Variants in DOCK2 observed in about 807,000 individuals in gnomAD.
DOCK2 encodes dedicator of cytokinesis protein 2.
Under a neutral mutation model 248.9 loss-of-function variants are expected in DOCK2, and 87 were observed. That is an observed-to-expected ratio of 0.35 (90% CI 0.29 to 0.42). The LOEUF (loss-of-function observed/expected upper bound fraction) is 0.42, where lower values mean the gene tolerates loss of function less well. Among genes scored for constraint, DOCK2 ranks in the 10% least tolerant of loss-of-function variants. The pLI, the probability that DOCK2 is intolerant of heterozygous loss-of-function variation, is 1.00. For synonymous variants in DOCK2, 805 were observed against 821.6 expected (o/e 0.98, Z 0.35); for missense variants, 1,747 against 2,300.2 (o/e 0.76, Z 4.92).
chr5:169,692,223 T>C (rs1561604943), intron 9 of DOCK2, among the ~76,000 whole-genome samples: 1 of 152,136 alleles, frequency 6.6e-6, no homozygotes, highest in African/African-American at 2.4e-5. Context: ...TACTACGAGG[T>C]TCCCTAAGAT....
At chr5:169,671,276 T>C in intron 5 of DOCK2, 102 bp downstream of exon 5, 1 of 1,022,712 alleles carries the variant, frequency 9.8e-7, no homozygotes, top group Non-Finnish European at 1.5e-6. Flanking sequence ...GGAGGTGGCT[T>C]TGGTGACATA....
intron 1 of DOCK2, among the ~76,000 whole-genome samples, chr5:169,645,149 G>A (rs1013387286): frequency 1.3e-5 from 2 of 152,118 alleles, no homozygotes; most frequent in African/African-American, 4.8e-5. Context: ...ATTCCTTTGG[G>A]TATATACCTA....
chr5:169,983,151 C>G lies in DOCK2; in HGVS notation c.2883C>G (p.Thr961=). ...CCTTCTACATTGAGACCTTCCAGAC[C>G]AGCTCTGAACTTGTGGTGAGTCTGC... is the stretch of plus-strand genomic sequence containing the variant. The part of the protein sequence containing the change: ...HYSFYIETFQ[T]SSELVDFLME... Residue 961 remains threonine (T), a synonymous_variant, in exon 28 of 52, where the codon ACC becomes ACG. Transcript: ENST00000520908. The G allele has an allele frequency of 1.2e-6, 2 of 1,614,034 alleles. No homozygotes were observed. Among genetic ancestry groups the G allele is most frequent in the Non-Finnish European group, 1.7e-6 (2 of 1,179,902 alleles).
chr5:169,850,098 G>T (rs912351982), intron 27 of DOCK2, among the ~76,000 whole-genome samples: 1 of 152,182 alleles, frequency 6.6e-6, no homozygotes, highest in Non-Finnish European at 1.5e-5. Context: ...ACTGGGGGTG[G>T]GGAGCGGAAG....
intron 6 of DOCK2, among the ~76,000 whole-genome samples, chr5:169,674,855 T>A (rs1265274548): frequency 2.0e-5 from 3 of 152,192 alleles, no homozygotes; most frequent in Non-Finnish European, 2.9e-5. Context: ...CACCATCAAC[T>A]AACTCAAATG....
At chr5:169,880,057 C>A (rs1772547702) in intron 27 of DOCK2, among the ~76,000 whole-genome samples, 1 of 152,004 alleles carries the variant, frequency 6.6e-6, no homozygotes. Context: ...AAAATTTGTT[C>A]AAGTTAGAAG....
In DOCK2 at chr5:169,938,686, A is replaced by C. The variant is rs142139001; in HGVS notation, c.2800-44382A>C. On this transcript the variant is annotated intron_variant, in intron 27 of 51. Coordinates refer to ENST00000520908, the MANE Select transcript of DOCK2 (RefSeq NM_004946.3). Reference sequence around the variant, plus strand: ...TACTGTACACTACTGTAGACTATCAACACTGTACACTTAGGCTATGCTACA... The same window carrying C: ...TACTGTACACTACTGTAGACTATCACCACTGTACACTTAGGCTATGCTACA... 3.0e-3 allele frequency among the ~76,000 whole-genome samples: 457 copies of C among 152,326 alleles called. 3 individuals are homozygous for C. The highest frequency in any genetic ancestry group is 0.011 in the African/African-American group (439 of 41,560).
intron 26 of DOCK2, among the ~76,000 whole-genome samples, chr5:169,819,949 G>A (rs952768522): frequency 3.9e-5 from 6 of 152,236 alleles, no homozygotes; most frequent in African/African-American, 1.4e-4. Flanking sequence ...AATGCTCTTA[G>A]CAAACGGCAC....
At chr5:169,664,762 A>T (rs1758628375) in intron 2 of DOCK2, among the ~76,000 whole-genome samples, 1 of 152,194 alleles carries the variant, frequency 6.6e-6, no homozygotes, top group Non-Finnish European at 1.5e-5. Context: ...ACCTCCGACC[A>T]GGTCCCTCCT....
intron 23 of DOCK2, among the ~76,000 whole-genome samples, chr5:169,755,773 TA>T (rs1764166250): frequency 6.6e-6 from 1 of 151,954 alleles, no homozygotes; most frequent in South Asian, 2.1e-4. Context: ...AAAACAATAA[TA>T]ATAATAGAAG....
chr5:169,702,169 C>G, intron 13 of DOCK2, 134 bp from the exon 14 acceptor site: 2 of 1,152,426 alleles, frequency 1.7e-6, no homozygotes, highest in Middle Eastern at 3.1e-4. Context: ...AATGCTTTCT[C>G]TAAGCAATTC....
chr5:169,650,124 T>C (rs1420484138), intron 1 of DOCK2, among the ~76,000 whole-genome samples: 2 of 152,200 alleles, frequency 1.3e-5, no homozygotes, highest in African/African-American at 4.8e-5. Context: ...CTGTCTTATC[T>C]ATCACTGTGA....
chr5:170,034,423 C>G lies in DOCK2; in HGVS notation c.3492C>G (p.His1164Gln). The change falls in exon 35 of 52, where the codon CAC (histidine) becomes CAG (glutamine). Residue 1164 changes from histidine (H) to glutamine (Q), a missense_variant. Transcript: ENST00000520908. Reference protein sequence around the residue: ...ESILMECAAEHPTIAKSVENF... With the variant: ...ESILMECAAEQPTIAKSVENF... ...GCCTGATGGAATGTGCTGCAGAGCA[C>G]CCAACCATTGCCAAGTCGGTGGAGA... 1 of 1,614,122 alleles carries G rather than the reference C, an allele frequency of 6.2e-7. No homozygotes were observed. Among genetic ancestry groups the G allele is most frequent in the Non-Finnish European group, 8.5e-7 (1 of 1,180,008 alleles).
At chr5:169,885,514 T>G (rs1772922510) in intron 27 of DOCK2, among the ~76,000 whole-genome samples, 1 of 152,230 alleles carries the variant, frequency 6.6e-6, no homozygotes, top group Non-Finnish European at 1.5e-5. Flanking sequence ...AATTCTCCCC[T>G]GATGTCTTCA....
At chr5:169,704,801 G>A (rs1017576372) in intron 14 of DOCK2, among the ~76,000 whole-genome samples, 59 of 138,456 alleles carry the variant, frequency 4.3e-4, no homozygotes, top group Middle Eastern at 3.8e-3. Flanking sequence ...GTGTGTGTGT[G>A]TGTGTATGTG....
At chr5:170,022,486 T>C (rs1420854034) in intron 33 of DOCK2, among the ~76,000 whole-genome samples, 3 of 152,052 alleles carry the variant, frequency 2.0e-5, no homozygotes, top group Non-Finnish European at 4.4e-5. Context: ...CCCTCATGAG[T>C]GTAGCACTTC....
chr5:169,793,169 A>C (rs1766457351), intron 25 of DOCK2, among the ~76,000 whole-genome samples: 1 of 152,174 alleles, frequency 6.6e-6, no homozygotes, highest in African/African-American at 2.4e-5. Flanking sequence ...CCCTAAAATG[A>C]ATCTATTGCT....
At chr5:169,993,419 G>A (rs1421548571) in intron 29 of DOCK2, among the ~76,000 whole-genome samples, 1 of 152,194 alleles carries the variant, frequency 6.6e-6, no homozygotes, top group African/African-American at 2.4e-5. Context: ...AGCCACCTCA[G>A]CTAGTGACCC....
intron 27 of DOCK2, among the ~76,000 whole-genome samples, chr5:169,842,178 G>A (rs1770018653): frequency 6.6e-6 from 1 of 152,196 alleles, no homozygotes; most frequent in Non-Finnish European, 1.5e-5. Context: ...CTCCCAAACA[G>A]CTGGATTCCC....
Sources: allele counts gnomAD v4.1 joint callset (sites outside exome capture counted in the v4.1 genomes callset), GRCh38; gene constraint gnomAD v4.1.1; transcripts MANE v1.5; gene names NCBI Gene and HGNC (gene_info 2026-07-23, HGNC 2026-07-21).